Variants in ZCCHC4 observed in about 807,000 individuals in gnomAD.
ZCCHC4 encodes rRNA N(6)-adenosine-methyltransferase ZCCHC4.
In ZCCHC4, 54 loss-of-function variants were observed where a neutral mutation model predicts 67.7. The ratio of observed to expected loss-of-function variants is 0.80; its 90% confidence interval spans 0.64 to 1.00. The LOEUF is 1.00. Ranked by LOEUF, ZCCHC4 falls within the 50% of genes least tolerant of loss-of-function variation. The pLI, the probability that ZCCHC4 is intolerant of heterozygous loss-of-function variation, is 0.00. For missense variants in ZCCHC4, 609 were observed against 617.0 expected (o/e 0.99, Z 0.14); for synonymous variants, 198 against 213.5 (o/e 0.93, Z 0.63).
At chr4:25,345,003 A>G (rs1009205688) in intron 5 of ZCCHC4, among the ~76,000 whole-genome samples, 1 of 152,024 alleles carries the variant, frequency 6.6e-6, no homozygotes, top group Non-Finnish European at 1.5e-5. Context: ...GGATTTTGCC[A>G]TGTTGCCCAG....
chr4:25,332,769 A>G (rs529252552), intron 3 of ZCCHC4, among the ~76,000 whole-genome samples: 15 of 152,356 alleles, frequency 9.8e-5, no homozygotes, highest in African/African-American at 3.6e-4. Flanking sequence ...GAACTTGAAG[A>G]ATGATCTTAA....
At chr4:25,362,763 A>T (rs996789866) in intron 10 of ZCCHC4, among the ~76,000 whole-genome samples, 4 of 152,212 alleles carry the variant, frequency 2.6e-5, no homozygotes, top group South Asian at 2.1e-4. Context: ...TATTAGGTGC[A>T]GTTACTCATT....
intron 7 of ZCCHC4, 61 bp downstream of exon 7, chr4:25,349,703 T>A: frequency 6.5e-7 from 1 of 1,544,662 alleles, no homozygotes; most frequent in Non-Finnish European, 8.9e-7. Flanking sequence ...TGTCAAATAT[T>A]AGCTGAGCTC....
At position 25,351,570 on chromosome 4, in the gene ZCCHC4, C is replaced by A; in HGVS notation, c.911-19C>A. 6.6e-7 allele frequency: 1 copy of A among 1,522,848 alleles called. No individual in the cohort carries two copies. The allele number at this position is 1,522,848 out of a possible 1,614,324, so 94.3% of individuals were successfully genotyped here. ...TTTCTTTAATTTACTATTATTTTTT[C>A]CTTTTTGTGATCCATTAGATGACAG... is the stretch of plus-strand genomic sequence containing the variant. On this transcript the variant is annotated intron_variant, in intron 7 of 12. Transcript: ENST00000302874.
intron 2 of ZCCHC4, among the ~76,000 whole-genome samples, chr4:25,314,984 G>T (rs1210127879): frequency 2.6e-5 from 4 of 152,126 alleles, no homozygotes; most frequent in Non-Finnish European, 5.9e-5. Flanking sequence ...TTTGACCAGA[G>T]AATTTTCAGT....
chr4:25,362,312 C>T lies in ZCCHC4; in HGVS notation c.1209+11C>T. 1 of 1,531,980 alleles carries T rather than the reference C, an allele frequency of 6.5e-7. No homozygotes were observed. Among genetic ancestry groups the T allele is most frequent in the Non-Finnish European group, 8.9e-7 (1 of 1,129,190 alleles). 94.9% of individuals were successfully genotyped at this position (1,531,980 alleles called of 1,614,324 possible). A position where few individuals can be genotyped will look rare whatever the true frequency, so the allele number is the denominator to read the frequency against. On this transcript the variant is annotated intron_variant, in intron 10 of 12. Coordinates refer to ENST00000302874, the MANE Select transcript of ZCCHC4 (RefSeq NM_024936.3). The stretch of plus-strand genomic sequence containing the variant: ...TCTTGCACATCCAAGGTATGGTGTT[C>T]TTATAGAATGTATTTTTATTTAGAT...
At position 25,333,921 on chromosome 4, in the gene ZCCHC4, A is replaced by G. The variant is rs766798413; in HGVS notation, c.619A>G (p.Ile207Val). 3.6e-5 allele frequency: 58 copies of G among 1,600,066 alleles called. No individual in the cohort carries two copies. The highest frequency in any genetic ancestry group is 4.9e-5 in the Non-Finnish European group (58 of 1,176,796). ...TAATTGCTTTAGGTTGCATGAGCTG[A>G]TCAAGTTGACAGCATCAGGTGACAA... ...CVGTPRLHEL[I>V]KLTASGDKKS... is the part of the protein sequence containing the mutation. The change falls in exon 5 of 13, where the codon ATC becomes GTC. Residue 207 changes from isoleucine to valine, a missense_variant. Transcript: ENST00000302874.
chr4:25,362,335 G>T, intron 10 of ZCCHC4, 34 bp downstream of exon 10: 1 of 1,388,784 alleles, frequency 7.2e-7, no homozygotes, highest in Non-Finnish European at 9.8e-7. Context: ...TTTTTATTTA[G>T]ATATATTCAT....
chr4:25,352,036 C>G, intron 8 of ZCCHC4: 1 of 1,006,434 alleles, frequency 9.9e-7, no homozygotes, highest in Non-Finnish European at 1.2e-6. Flanking sequence ...CCCCCCACCC[C>G]TGGTTCATCA....
chr4:25,354,236 G>A (rs904513024), intron 8 of ZCCHC4, among the ~76,000 whole-genome samples: 2 of 152,184 alleles, frequency 1.3e-5, no homozygotes, highest in South Asian at 2.1e-4. Context: ...TAGGCAGTCT[G>A]TGTTACTAGG....
intron 10 of ZCCHC4, 44 bp downstream of exon 10, chr4:25,362,345 TTTTA>T: frequency 7.5e-7 from 1 of 1,337,256 alleles, no homozygotes; most frequent in South Asian, 1.5e-5. Flanking sequence ...GATATATTCA[TTTTA>T]TTTTAGTTTA....
At chr4:25,323,049 T>C (rs982886002) in intron 3 of ZCCHC4, among the ~76,000 whole-genome samples, 2 of 152,236 alleles carry the variant, frequency 1.3e-5, no homozygotes, top group African/African-American at 4.8e-5. Context: ...TGGTTGTTCC[T>C]TTTTGTGATA....
At position 25,362,217 on chromosome 4, in the gene ZCCHC4, T is replaced by G. The variant is rs1720765977; in HGVS notation, c.1134-9T>G. The G allele has an allele frequency of 6.2e-7, 1 of 1,606,270 alleles. No individual in the cohort carries two copies. Among genetic ancestry groups the G allele is most frequent in the Non-Finnish European group, 8.5e-7 (1 of 1,175,534 alleles). On this transcript the variant is annotated splice_polypyrimidine_tract_variant and intron_variant, in intron 9 of 12. Coordinates refer to ENST00000302874, the MANE Select transcript of ZCCHC4 (RefSeq NM_024936.3). ...TGTATGCAGCTGATTTCTCTGTCCT[T>G]TACTCTAGATTTTGCTCTCCGTGTC...
rs570683425 is a variant in ZCCHC4 at position 25,351,541 on chromosome 4, A to G, written c.911-48A>G. ...GGAAGTTTTTCTACTGTAGCCTTCT[A>G]TTTTTTCTTTAATTTACTATTATTT... On this transcript the variant is annotated intron_variant, in intron 7 of 12. Coordinates refer to ENST00000302874, the MANE Select transcript of ZCCHC4 (RefSeq NM_024936.3). The G allele has an allele frequency of 1.1e-5, 15 of 1,326,660 alleles. No individual in the cohort carries two copies. In the South Asian group the frequency reaches 1.8e-4, roughly 16 times the overall value. The allele number at this position is 1,326,660 out of a possible 1,614,324, so 82.2% of individuals were successfully genotyped here.
chr4:25,328,270 C>T (rs1252773142), intron 3 of ZCCHC4, among the ~76,000 whole-genome samples: 1 of 152,026 alleles, frequency 6.6e-6, no homozygotes. Flanking sequence ...GACGGAGTCT[C>T]ACTCTGTCTC....
chr4:25,314,013 C>T lies in ZCCHC4; in HGVS notation c.128-33C>T, dbSNP rs777666218. 6 of 890,826 alleles carry T rather than the reference C, an allele frequency of 6.7e-6. No individual in the cohort carries two copies. The African/African-American group carries it at 9.4e-5, about 14-fold the overall frequency. 55.2% of individuals were successfully genotyped at this position (890,826 alleles called of 1,614,324 possible). A position where few individuals can be genotyped will look rare whatever the true frequency, so the allele number is the denominator to read the frequency against. On this transcript the variant is annotated intron_variant, in intron 1 of 12. Transcript: ENST00000302874. ...CTTGACGTAGATGACCATTACTTGA[C>T]ACTTTTTTTTTTTTTTTCTATTCTG...
rs1205833104 is a variant in ZCCHC4, at chr4:25,359,830, G to C, written c.1012-2029G>C. 1.2e-4 allele frequency among the ~76,000 whole-genome samples: 19 copies of C among 152,228 alleles called. No homozygotes were observed. The highest frequency in any genetic ancestry group is 1.2e-3 in the Admixed American group (19 of 15,282). ...TGCTGCAGCCAGGTGGGGTTATAAAGTCTTTTCTGTTTGATGAGGGAACTG... is the reference window on the plus strand; with the variant it reads ...TGCTGCAGCCAGGTGGGGTTATAAACTCTTTTCTGTTTGATGAGGGAACTG... On this transcript the variant is annotated intron_variant, in intron 8 of 12. Transcript: ENST00000302874. This position sits in a 1 kb window ranked among gnomAD's most constrained non-coding sequence, Gnocchi z 4.9.
chr4:25,351,455 A>G, intron 7 of ZCCHC4, 134 bp from the exon 8 acceptor site: 1 of 623,388 alleles, frequency 1.6e-6, no homozygotes, highest in Non-Finnish European at 2.7e-6. Flanking sequence ...ACTCTGGTAA[A>G]TATTTTCTGT....
At chr4:25,347,451 G>C (rs1720078674) in intron 6 of ZCCHC4, among the ~76,000 whole-genome samples, 1 of 152,206 alleles carries the variant, frequency 6.6e-6, no homozygotes, top group Non-Finnish European at 1.5e-5. Context: ...GAAGAAAAGA[G>C]TCGTCCAGCT....
Sources: allele counts gnomAD v4.1 joint callset (sites outside exome capture counted in the v4.1 genomes callset), GRCh38; gene constraint gnomAD v4.1.1; non-coding constraint Gnocchi (gnomAD v3.1); transcripts MANE v1.5; gene names NCBI Gene and HGNC (gene_info 2026-07-23, HGNC 2026-07-21).